HOOK3: variants seen among roughly 807,000 people sequenced by gnomAD.
The protein encoded by HOOK3 is hook microtubule tethering protein 3, also known as protein Hook homolog 3.
Under a neutral mutation model 116.3 loss-of-function variants are expected in HOOK3, and 24 were observed. That is an observed-to-expected ratio of 0.21 (90% CI 0.15 to 0.29). HOOK3 has a LOEUF of 0.29. Among genes scored for constraint, HOOK3 ranks in the 10% least tolerant of loss-of-function variants. The probability of loss-of-function intolerance (pLI) is 1.00; values close to 1 mark genes in which losing one functional copy is unlikely to be tolerated. For synonymous variants in HOOK3, 275 were observed against 283.0 expected, an observed-to-expected ratio of 0.97 and a Z score of 0.28; for missense variants, 632 against 830.2, an observed-to-expected ratio of 0.76 and a Z score of 2.93.
In HOOK3 at chr8:43,018,381, A is replaced by C; in HGVS notation, c.2040A>C (p.Ala680=). ...AGGGAATGACCCTGCATAAAAAGGCAGCTGAAGATAGACTGGCAAGCACAG... is the reference window on the plus strand; with the variant it reads ...AGGGAATGACCCTGCATAAAAAGGCCGCTGAAGATAGACTGGCAAGCACAG... The part of the protein sequence containing the change: ...YNMGMTLHKK[A]AEDRLASTGS... The change falls in exon 22 of 22, where the codon GCA becomes GCC. Residue 680 remains alanine (A), a synonymous_variant. Coordinates refer to ENST00000307602, the MANE Select transcript of HOOK3 (RefSeq NM_032410.4). 1.1e-5 allele frequency: 18 copies of C among 1,602,410 alleles called. No individual in the cohort carries two copies. The highest frequency in any genetic ancestry group is 1.5e-5 in the Non-Finnish European group (18 of 1,176,712).
At chr8:42,989,767 C>T (rs1809121108) in intron 15 of HOOK3, among the ~76,000 whole-genome samples, 1 of 152,072 alleles carries the variant, frequency 6.6e-6, no homozygotes, top group African/African-American at 2.4e-5. Context: ...GGTAACCATC[C>T]CATCTACTCT....
intron 11 of HOOK3, among the ~76,000 whole-genome samples, chr8:42,970,782 C>CTTTTTTTTTTTTTTTTTT (rs764513803): frequency 5.3e-5 from 5 of 93,858 alleles, no homozygotes; most frequent in African/African-American, 1.7e-4. Context: ...GAATTTGGGT[C>CTTTTTTTTTTTTTTTTTT]TTTTTTTTTT....
chr8:42,966,464 C>T lies in HOOK3; in HGVS notation c.780-9C>T, dbSNP rs201785928. 20 of 1,613,416 alleles carry T rather than the reference C, an allele frequency of 1.2e-5. No homozygotes were observed. In the African/African-American group the frequency reaches 1.3e-4, roughly 11 times the overall value. On this transcript the variant is annotated splice_polypyrimidine_tract_variant and intron_variant, in intron 9 of 21. Coordinates refer to ENST00000307602, the MANE Select transcript of HOOK3 (RefSeq NM_032410.4). ...AGTGCTTTCTTGGTCTATTTTATAT[C>T]GGTTACAGACTAGAAGCAGCCAAAG... is the stretch of plus-strand genomic sequence containing the variant.
chr8:42,954,808 C>T (rs1808405070), intron 6 of HOOK3, among the ~76,000 whole-genome samples: 1 of 152,046 alleles, frequency 6.6e-6, no homozygotes, highest in South Asian at 2.1e-4. Flanking sequence ...GGGGATTAGC[C>T]TTGGGTGAGA....
chr8:42,996,941 G>A (rs563881245), intron 15 of HOOK3, among the ~76,000 whole-genome samples: 1 of 111,228 alleles, frequency 9.0e-6, no homozygotes, highest in African/African-American at 3.5e-5. Context: ...GGGTCTCACT[G>A]TGTTGCCCAG....
At chr8:42,907,828 A>C (rs1160859588) in intron 2 of HOOK3, among the ~76,000 whole-genome samples, 5 of 151,062 alleles carry the variant, frequency 3.3e-5, no homozygotes, top group East Asian at 1.9e-4. Context: ...AAAAAAAAAA[A>C]AAAAAAAAAA....
chr8:42,983,492 T>G (rs1160159488), intron 14 of HOOK3, among the ~76,000 whole-genome samples: 2 of 152,008 alleles, frequency 1.3e-5, no homozygotes, highest in Non-Finnish European at 1.5e-5. Flanking sequence ...TCCATTTATT[T>G]ATTTATTTAG....
At chr8:42,909,538 A>G (rs1807381523) in intron 2 of HOOK3, among the ~76,000 whole-genome samples, 1 of 152,238 alleles carries the variant, frequency 6.6e-6, no homozygotes, top group Non-Finnish European at 1.5e-5. Flanking sequence ...ACCAGGGCTC[A>G]CTGCAGCCTC....
Position 43,027,395 on chromosome 8 carries a change from T to TA in HOOK3, c.*8898dup, listed in dbSNP as rs1193267972. The TA allele has an allele frequency of 5.6e-5, 22 of 394,026 alleles. No individual in the cohort carries two copies. The Admixed American group carries it at 8.6e-4, about 15-fold the overall frequency. 24.4% of individuals were successfully genotyped at this position (394,026 alleles called of 1,614,324 possible). ...CTGCCAAAGAATAGAGAGATTTGCT[T>TA]ATGAGAACATTCTGTCATTTGTTCT... On this transcript the variant is annotated 3_prime_UTR_variant, in exon 22 of 22. Coordinates refer to ENST00000307602, the MANE Select transcript of HOOK3 (RefSeq NM_032410.4).
intron 5 of HOOK3, among the ~76,000 whole-genome samples, chr8:42,950,146 T>C (rs1808312431): frequency 6.6e-6 from 1 of 152,198 alleles, no homozygotes; most frequent in Non-Finnish European, 1.5e-5. Context: ...TATTCCATTC[T>C]CGTGACCTGT....
Position 42,897,005 on chromosome 8 carries a change from T to C in HOOK3, c.-127T>C. ...AGCCGCTGCCAGCGCTGGGCGAGAGTCGGCGGCCGGATCCGAGGAGCAGGC... is the reference window on the plus strand; with the variant it reads ...AGCCGCTGCCAGCGCTGGGCGAGAGCCGGCGGCCGGATCCGAGGAGCAGGC... On this transcript the variant is annotated 5_prime_UTR_variant, in exon 1 of 22. Coordinates refer to ENST00000307602, the MANE Select transcript of HOOK3 (RefSeq NM_032410.4). 1 of 598,460 alleles carries C rather than the reference T, an allele frequency of 1.7e-6. No individual in the cohort carries two copies. Among genetic ancestry groups the C allele is most frequent in the Non-Finnish European group, 2.4e-6 (1 of 411,916 alleles). The allele number at this position is 598,460 out of a possible 1,614,324, so 37.1% of individuals were successfully genotyped here. A position where few individuals can be genotyped will look rare whatever the true frequency, so the allele number is the denominator to read the frequency against.
At chr8:43,005,476 C>A (rs1318544249) in intron 17 of HOOK3, among the ~76,000 whole-genome samples, 1 of 151,734 alleles carries the variant, frequency 6.6e-6, no homozygotes, top group Non-Finnish European at 1.5e-5. Context: ...CCTGCCTCGG[C>A]CTTCCAAAGT....
Position 42,964,652 on chromosome 8 carries a change from C to T in HOOK3, c.779+178C>T, listed in dbSNP as rs140129820. On this transcript the variant is annotated intron_variant, in intron 9 of 21. Coordinates refer to ENST00000307602, the MANE Select transcript of HOOK3 (RefSeq NM_032410.4). The stretch of plus-strand genomic sequence containing the variant: ...AATCAGCTTGGCTAACATGAGGAAA[C>T]CCCATCTCTACTAAAAATACAAAAA... Among the ~76,000 whole-genome samples, 716 of 152,098 alleles carry T rather than the reference C, an allele frequency of 4.7e-3. 11 individuals are homozygous for T. The highest frequency in any genetic ancestry group is 0.016 in the African/African-American group (682 of 41,488).
chr8:42,952,750 G>A (rs1031393538), intron 6 of HOOK3, among the ~76,000 whole-genome samples: 1 of 152,142 alleles, frequency 6.6e-6, no homozygotes, highest in African/African-American at 2.4e-5. Context: ...ATGCAAACTG[G>A]TATATCTTTT....
At chr8:42,984,750 A>G (rs1250757382) in intron 14 of HOOK3, among the ~76,000 whole-genome samples, 1 of 152,074 alleles carries the variant, frequency 6.6e-6, no homozygotes, top group Non-Finnish European at 1.5e-5. Flanking sequence ...AAAAATACAA[A>G]AAAATTAGCT....
chr8:43,023,180 T>C lies in HOOK3; in HGVS notation c.*4682T>C, dbSNP rs1586639226. The C allele has an allele frequency of 7.7e-6, 1 of 129,170 alleles. No individual in the cohort carries two copies. Among genetic ancestry groups the C allele is most frequent in the African/African-American group, 3.1e-5 (1 of 32,696 alleles). The allele number at this position is 129,170 out of a possible 1,614,324, so 8.0% of individuals were successfully genotyped here. On this transcript the variant is annotated 3_prime_UTR_variant, in exon 22 of 22. Transcript: ENST00000307602. The stretch of plus-strand genomic sequence containing the variant: ...GAGATTGTGCCACTGCACTCCAGCC[T>C]GGGCCACAGAGTGAGACTCCATCTC...
intron 13 of HOOK3, among the ~76,000 whole-genome samples, chr8:42,981,887 A>C (rs1427134367): frequency 6.7e-5 from 10 of 149,946 alleles, no homozygotes; most frequent in Non-Finnish European, 1.5e-4. Context: ...CTGTCTCAAA[A>C]AAAAAAAAAA....
In HOOK3 at chr8:43,022,321, T is replaced by C; in HGVS notation, c.*3823T>C. ...TGCCTCATCGTGAGTGATGCTGTGC[T>C]GTATTTTTACAAACTCTCGCATACA... is the stretch of plus-strand genomic sequence containing the variant. On this transcript the variant is annotated 3_prime_UTR_variant, in exon 22 of 22. Transcript: ENST00000307602. The C allele has an allele frequency of 4.8e-6, 1 of 206,770 alleles. No individual in the cohort carries two copies. The allele number at this position is 206,770 out of a possible 1,614,324, so 12.8% of individuals were successfully genotyped here.
At chr8:42,976,766 G>A (rs6474424) in intron 13 of HOOK3, among the ~76,000 whole-genome samples, 156 of 152,156 alleles carry the variant, frequency 1.0e-3, no homozygotes, top group African/African-American at 3.5e-3. Context: ...GCATGGTGGC[G>A]GGTGCCTATA....
Sources: allele counts gnomAD v4.1 joint callset (sites outside exome capture counted in the v4.1 genomes callset), GRCh38; gene constraint gnomAD v4.1.1; transcripts MANE v1.5; gene names NCBI Gene and HGNC (gene_info 2026-07-23, HGNC 2026-07-21).